SAMTOR: variants seen among roughly 807,000 people sequenced by gnomAD.
The protein encoded by SAMTOR is S-adenosylmethionine sensor upstream of mTORC1, also known as UPF0532 protein C7orf60.
the SAMTOR span, among the ~76,000 whole-genome samples, chr7:112,901,171 G>T: frequency 9.3e-3 from 1,412 of 152,266 alleles, 19 homozygotes; most frequent in African/African-American, 0.032. Flanking sequence ...GTACTGGTCC[G>T]TGACCTGTTA....
the SAMTOR span, among the ~76,000 whole-genome samples, chr7:112,907,999 C>T: frequency 1.4e-4 from 21 of 152,164 alleles, no homozygotes; most frequent in African/African-American, 5.1e-4. Flanking sequence ...TACAAATATA[C>T]AATGACAAAA....
chr7:112,885,826 TG>T, the SAMTOR span, among the ~76,000 whole-genome samples: 1 of 152,204 alleles, frequency 6.6e-6, no homozygotes, highest in African/African-American at 2.4e-5. Context: ...CCCACATTTT[TG>T]GGTATCTTTA....
chr7:112,888,552 C>T, the SAMTOR span, among the ~76,000 whole-genome samples: 1,616 of 152,066 alleles, frequency 0.011, 28 homozygotes, highest in African/African-American at 0.037. Flanking sequence ...TCAAAAAGTG[C>T]CATATCTAAA....
At chr7:112,835,773 A>G in the SAMTOR span, among the ~76,000 whole-genome samples, 7 of 152,132 alleles carry the variant, frequency 4.6e-5, no homozygotes, top group Non-Finnish European at 8.8e-5. Context: ...GCTTAGGATA[A>G]TGACCTCCAG....
At chr7:112,928,993 T>C in the SAMTOR span, among the ~76,000 whole-genome samples, 42 of 151,836 alleles carry the variant, frequency 2.8e-4, no homozygotes, top group East Asian at 7.5e-3. Flanking sequence ...AATGAATAGG[T>C]GGTGCTAAGG....
the SAMTOR span, among the ~76,000 whole-genome samples, chr7:112,849,986 C>T: frequency 2.3e-3 from 349 of 152,174 alleles, 1 homozygote; most frequent in African/African-American, 8.2e-3. Context: ...ATGGGTGGAT[C>T]ACCTGAGGTC....
the SAMTOR span, chr7:112,895,436 T>C: frequency 1.8e-6 from 1 of 563,420 alleles, no homozygotes; most frequent in Non-Finnish European, 2.9e-6. Context: ...TAATATTACC[T>C]ATCTGCATTT....
chr7:112,820,846 C>G, the SAMTOR span: 3 of 151,878 alleles, frequency 2.0e-5, no homozygotes, highest in Non-Finnish European at 4.4e-5. Flanking sequence ...AGGTGAGGAC[C>G]CTATCAAAGT....
chr7:112,936,516 T>G, the SAMTOR span, among the ~76,000 whole-genome samples: 4 of 152,218 alleles, frequency 2.6e-5, no homozygotes, highest in African/African-American at 9.7e-5. Flanking sequence ...AGCCTGTTCA[T>G]CACCATCAAC....
the SAMTOR span, among the ~76,000 whole-genome samples, chr7:112,872,330 A>G: frequency 2.0e-5 from 3 of 152,210 alleles, no homozygotes; most frequent in Admixed American, 2.0e-4. Context: ...ACACATACAA[A>G]TCAATAAAGT....
chr7:112,868,939 C>T, the SAMTOR span, among the ~76,000 whole-genome samples: 2,367 of 152,270 alleles, frequency 0.016, 52 homozygotes, highest in African/African-American at 0.054. Flanking sequence ...CTGGGTGTCC[C>T]GGGCTGCTTC....
At chr7:112,939,717 G>A in the SAMTOR span, 14 of 1,608,536 alleles carry the variant, frequency 8.7e-6, no homozygotes, top group East Asian at 2.2e-5. Context: ...CTCTGCGCAC[G>A]AGCAGTATTT....
At chr7:112,822,151 C>T in the SAMTOR span, 1 of 1,613,748 alleles carries the variant, frequency 6.2e-7, no homozygotes, top group Non-Finnish European at 8.5e-7. Context: ...AGTAATAAAC[C>T]ATTTAACACT....
At chr7:112,871,684 A>G in the SAMTOR span, among the ~76,000 whole-genome samples, 1 of 152,234 alleles carries the variant, frequency 6.6e-6, no homozygotes, top group Admixed American at 6.5e-5. Context: ...AAATGAAATC[A>G]AGAACAAAAA....
the SAMTOR span, among the ~76,000 whole-genome samples, chr7:112,897,272 C>G: frequency 1.3e-5 from 2 of 152,110 alleles, no homozygotes; most frequent in African/African-American, 2.4e-5. Context: ...TAAATACCCA[C>G]TAACTGTACA....
At chr7:112,854,227 T>C in the SAMTOR span, among the ~76,000 whole-genome samples, 1 of 152,192 alleles carries the variant, frequency 6.6e-6, no homozygotes, top group African/African-American at 2.4e-5. Context: ...ATTTTTCATA[T>C]AATCCATTTC....
At chr7:112,843,103 T>G in the SAMTOR span, among the ~76,000 whole-genome samples, 2 of 152,042 alleles carry the variant, frequency 1.3e-5, no homozygotes, top group Non-Finnish European at 2.9e-5. Context: ...ATTTGAGTCT[T>G]GAAAGATTGT....
the SAMTOR span, among the ~76,000 whole-genome samples, chr7:112,864,133 C>G: frequency 1.3e-5 from 2 of 152,286 alleles, no homozygotes; most frequent in South Asian, 4.1e-4. Flanking sequence ...CCTCAGCAAA[C>G]TAACGCAGGA....
chr7:112,905,890 A>G, the SAMTOR span, among the ~76,000 whole-genome samples: 2 of 152,182 alleles, frequency 1.3e-5, no homozygotes, highest in African/African-American at 4.8e-5. Context: ...AGACAAGAGA[A>G]AAAGATTTAG....
Sources: gnomAD v4.1 joint callset for allele counts (sites outside exome capture counted in the v4.1 genomes callset) on GRCh38, gnomAD v4.1.1 for gene constraint, MANE v1.5 for transcripts, NCBI Gene and HGNC (gene_info 2026-07-23, HGNC 2026-07-21) for gene names.